Variants in NYAP2 observed in about 807,000 individuals in gnomAD.
NYAP2 encodes neuronal tyrosine-phosphorylated phosphoinositide-3-kinase adapter 2.
A neutral mutation model predicts 50.4 loss-of-function variants in NYAP2; 23 were observed. The observed-to-expected ratio is 0.46, with a 90% confidence interval of 0.33 to 0.65. The LOEUF is 0.65. NYAP2 is among the 30% of genes least tolerant of loss of function. NYAP2 has a pLI of 0.02. For synonymous variants in NYAP2, 394 were observed against 365.2 expected, an observed-to-expected ratio of 1.08 and a Z score of -0.90; for missense variants, 885 against 861.0, an observed-to-expected ratio of 1.03 and a Z score of -0.35.
At chr2:225,673,498 C>T in the NYAP2 span, among the ~76,000 whole-genome samples, 2 of 151,980 alleles carry the variant, frequency 1.3e-5, no homozygotes, top group Non-Finnish European at 2.9e-5. Context: ...CACAATAAAG[C>T]AAAGCACAAT....
the NYAP2 span, among the ~76,000 whole-genome samples, chr2:225,664,975 G>C: frequency 2.6e-5 from 4 of 152,124 alleles, no homozygotes; most frequent in Non-Finnish European, 4.4e-5. Context: ...AGTGATACAA[G>C]TATATATTTA....
chr2:225,486,297 C>T (rs1690297540), intron 3 of NYAP2, among the ~76,000 whole-genome samples: 1 of 152,300 alleles, frequency 6.6e-6, no homozygotes, highest in South Asian at 2.1e-4. Flanking sequence ...ATTCAGCACT[C>T]CTATGCTCCT....
At chr2:225,656,761 C>G (rs1431668309), downstream of NYAP2, among the ~76,000 whole-genome samples, 1 of 151,838 alleles carries the variant, frequency 6.6e-6, no homozygotes, top group Non-Finnish European at 1.5e-5. Context: ...AGGTGAATTT[C>G]TTTGCAGGGA....
chr2:225,568,726 C>T (rs575813052), intron 4 of NYAP2, among the ~76,000 whole-genome samples: 1 of 152,100 alleles, frequency 6.6e-6, no homozygotes, highest in South Asian at 2.1e-4. Flanking sequence ...TCACATAAAC[C>T]AATGGAGAGG....
chr2:225,582,994 G>C lies in NYAP2; in HGVS notation c.1577G>C (p.Arg526Pro), dbSNP rs764544840. The C allele has an allele frequency of 1.2e-6, 2 of 1,611,886 alleles. No individual in the cohort carries two copies. Among genetic ancestry groups the C allele is most frequent in the Non-Finnish European group, 1.7e-6 (2 of 1,179,540 alleles). Residue 526 changes from arginine to proline, a missense_variant, in exon 5 of 7, where the codon CGC becomes CCC. By Grantham distance (103) the Arg-to-Pro change is moderately radical. Coordinates refer to ENST00000636099, the Ensembl canonical transcript of NYAP2. The surrounding 1 kb of genome is among the most constrained non-coding windows in gnomAD (Gnocchi z 7.0). Reference sequence around the variant, plus strand: ...TTCTCCTCCGGCCGCAGCCTGCTGCGCAAGTCGTCCAGTGGCCGGCGCTCC... The same window carrying C: ...TTCTCCTCCGGCCGCAGCCTGCTGCCCAAGTCGTCCAGTGGCCGGCGCTCC...
intron 2 of NYAP2, among the ~76,000 whole-genome samples, chr2:225,402,913 T>C (rs772353811): frequency 6.6e-6 from 1 of 152,058 alleles, no homozygotes; most frequent in Non-Finnish European, 1.5e-5. Context: ...TTATGGGTTA[T>C]AACCAGGCTA....
intron 6 of NYAP2, among the ~76,000 whole-genome samples, chr2:225,631,322 A>G (rs988740046): frequency 6.6e-6 from 1 of 152,190 alleles, no homozygotes; most frequent in Non-Finnish European, 1.5e-5. Flanking sequence ...GGTTTACAGC[A>G]TGTAAAATCT....
chr2:225,513,818 A>T (rs1249491640), intron 4 of NYAP2, 146 bp downstream of exon 4: 8 of 542,554 alleles, frequency 1.5e-5, no homozygotes, highest in Middle Eastern at 5.1e-4. Context: ...ATTGAGGGGA[A>T]GGTTATTTAT....
intron 2 of NYAP2, among the ~76,000 whole-genome samples, chr2:225,402,281 AC>A (rs1213932790): frequency 6.6e-6 from 1 of 152,022 alleles, no homozygotes; most frequent in Admixed American, 6.6e-5. Flanking sequence ...AATCCTAGAC[AC>A]AAGAAGGTTG....
chr2:225,435,836 G>T (rs1379018369), intron 3 of NYAP2, among the ~76,000 whole-genome samples: 1 of 152,100 alleles, frequency 6.6e-6, no homozygotes, highest in East Asian at 1.9e-4. Flanking sequence ...TAGTAGTAAA[G>T]AACTTGGGCC....
the NYAP2 span, among the ~76,000 whole-genome samples, chr2:225,679,493 GTTTTTT>G: frequency 1.9e-5 from 2 of 103,864 alleles, no homozygotes; most frequent in African/African-American, 3.7e-5. Context: ...GCTTCTAATT[GTTTTTT>G]TTTTTTTTTT....
At chr2:225,545,897 G>A (rs1559210697) in intron 4 of NYAP2, among the ~76,000 whole-genome samples, 1 of 152,222 alleles carries the variant, frequency 6.6e-6, no homozygotes, top group East Asian at 1.9e-4. Flanking sequence ...CTCGTGTTAG[G>A]GAGCACCCTA....
At chr2:225,649,505 C>G (rs1693694535) in intron 6 of NYAP2, among the ~76,000 whole-genome samples, 1 of 152,168 alleles carries the variant, frequency 6.6e-6, no homozygotes, top group South Asian at 2.1e-4. Flanking sequence ...TTCCTTCTAA[C>G]ATATTTCCTA....
intron 3 of NYAP2, among the ~76,000 whole-genome samples, chr2:225,486,303 C>T (rs2106168136): frequency 6.6e-6 from 1 of 152,314 alleles, no homozygotes; most frequent in East Asian, 1.9e-4. Flanking sequence ...CACTCCTATG[C>T]TCCTGGCAAC....
In NYAP2 at chr2:225,582,800, T is replaced by A; in HGVS notation, c.1383T>A (p.His461Gln). Residue 461 changes from histidine (H) to glutamine (Q), a missense_variant, in exon 5 of 7, where the codon CAT (histidine) becomes CAA (glutamine). By Grantham distance (24) the His-to-Gln change is conservative (BLOSUM62 0). Transcript: ENST00000636099. This position sits in a 1 kb window ranked among gnomAD's most constrained non-coding sequence, Gnocchi z 7.0. ...GGCCTCCCCCTTACGACGCTGTGCA[T>A]TCGGGCAGCCTCTCAAGGAGCTCTC... The A allele has an allele frequency of 3.1e-6, 5 of 1,613,878 alleles. No individual in the cohort carries two copies. Among genetic ancestry groups the A allele is most frequent in the Non-Finnish European group, 4.2e-6 (5 of 1,179,872 alleles).
intron 3 of NYAP2, among the ~76,000 whole-genome samples, chr2:225,409,695 G>A (rs1194235389): frequency 1.3e-5 from 2 of 152,058 alleles, no homozygotes; most frequent in Non-Finnish European, 2.9e-5. Context: ...TAGCTGGTGA[G>A]CCCCAGATGG....
At chr2:225,584,755 C>A (rs1473289537) in intron 5 of NYAP2, among the ~76,000 whole-genome samples, 1 of 152,146 alleles carries the variant, frequency 6.6e-6, no homozygotes, top group Non-Finnish European at 1.5e-5. Flanking sequence ...GCCCCCAAAA[C>A]ATTTTAATTA....
At chr2:225,420,859 G>A (rs1695205057) in intron 3 of NYAP2, among the ~76,000 whole-genome samples, 1 of 152,056 alleles carries the variant, frequency 6.6e-6, no homozygotes, top group Non-Finnish European at 1.5e-5. Context: ...TAGAGAATCA[G>A]AATGGCATGG....
chr2:225,582,037 T>A lies in NYAP2; in HGVS notation c.620T>A (p.Phe207Tyr). The A allele has an allele frequency of 6.2e-7, 1 of 1,614,000 alleles. No individual in the cohort carries two copies. The change falls in exon 5 of 7, where the codon TTC becomes TAC. Residue 207 changes from phenylalanine (F) to tyrosine (Y), a missense_variant. By Grantham distance (22) the Phe-to-Tyr change is conservative. Coordinates refer to ENST00000636099, the Ensembl canonical transcript of NYAP2. The surrounding 1 kb of genome is among the most constrained non-coding windows in gnomAD (Gnocchi z 7.0). ...CCGAACACTCAGCTGAGCACATCTT[T>A]CGATGAAACGTACATCAAAAAGCAT...
Sources: allele counts gnomAD v4.1 joint callset (sites outside exome capture counted in the v4.1 genomes callset), GRCh38; gene constraint gnomAD v4.1.1; non-coding constraint Gnocchi (gnomAD v3.1); transcripts MANE v1.5; gene names NCBI Gene and HGNC (gene_info 2026-07-23, HGNC 2026-07-21).